PIM3: variants seen among roughly 807,000 people sequenced by gnomAD.
The protein encoded by PIM3 is Pim-3 proto-oncogene, serine/threonine kinase.
A neutral mutation model predicts 27.5 loss-of-function variants in PIM3; 13 were observed. The observed-to-expected ratio is 0.47, with a 90% CI of 0.31 to 0.75. The LOEUF (loss-of-function observed/expected upper bound fraction) is 0.75. PIM3 is among the 30% of genes least tolerant of loss of function. The pLI, the probability that PIM3 is intolerant of heterozygous loss-of-function variation, is 0.05. For missense variants in PIM3, 482 were observed against 476.9 expected, an observed-to-expected ratio of 1.01 and a Z score of -0.10; for synonymous variants, 341 against 221.1, an observed-to-expected ratio of 1.54 and a Z score of -4.81.
In PIM3 at chr22:49,963,300, G is replaced by T; in HGVS notation, c.*173G>T. 1.4e-6 allele frequency: 1 copy of T among 712,764 alleles called. No homozygotes were observed. The highest frequency in any genetic ancestry group is 2.2e-6 in the Non-Finnish European group (1 of 453,804). The allele number at this position is 712,764 out of a possible 1,614,324, so 44.2% of individuals were successfully genotyped here. A position where few individuals can be genotyped will look rare whatever the true frequency, so the allele number is the denominator to read the frequency against. On this transcript the variant is annotated 3_prime_UTR_variant, in exon 6 of 6. Transcript: ENST00000360612. ...TTGAACGCTGGTCCCGCGGGACTTGGTTTTCTCAAGCTCTGTCTGTCCAAA... is the reference window on the plus strand; with the variant it reads ...TTGAACGCTGGTCCCGCGGGACTTGTTTTTCTCAAGCTCTGTCTGTCCAAA...
Position 49,961,163 on chromosome 22 carries a change from G to A in PIM3, c.124G>A (p.Val42Met), listed in dbSNP as rs1273808064. Residue 42 changes from valine (V) to methionine (M), a missense_variant, in exon 2 of 6, where the codon GTG (valine) becomes ATG (methionine). By Grantham distance (21) the Val-to-Met change is conservative. Coordinates refer to ENST00000360612, the MANE Select transcript of PIM3 (RefSeq NM_001001852.4). ...GGAGAGCTTCGAGAAGGCGTACCAG[G>A]TGGGCGCCGTGCTGGGTAGCGGCGG... ...DKESFEKAYQ[V>M]GAVLGSGGFG... The A allele has an allele frequency of 6.5e-7, 1 of 1,531,924 alleles. No homozygotes were observed. The allele number at this position is 1,531,924 out of a possible 1,614,324, so 94.9% of individuals were successfully genotyped here. A position where few individuals can be genotyped will look rare whatever the true frequency, so the allele number is the denominator to read the frequency against.
Position 49,961,330 on chromosome 22 carries a change from C to T in PIM3, c.208C>T (p.His70Tyr), listed in dbSNP as rs1601869890. 1.9e-6 allele frequency: 3 copies of T among 1,543,152 alleles called. No individual in the cohort carries two copies. The highest frequency in any genetic ancestry group is 2.7e-5 in the East Asian group (1 of 37,136). ...IADGLPVAVK[H>Y]VVKERVTEWG... ...CGCGTCTCCGCAGGTGGCTGTGAAG[C>T]ACGTGGTGAAGGAGCGGGTGACCGA... Residue 70 changes from histidine to tyrosine, a missense_variant, in exon 3 of 6, where the codon CAC becomes TAC. By Grantham distance (83) the His-to-Tyr change is moderately conservative. Transcript: ENST00000360612.
rs138365598 is a variant in PIM3, at chr22:49,963,083, C to G, written c.937C>G (p.Pro313Ala). Residue 313 changes from proline (P) to alanine (A), a missense_variant, in exon 6 of 6, where the codon CCT becomes GCT. By Grantham distance (27) the Pro-to-Ala change is conservative (BLOSUM62 -1). Transcript: ENST00000360612. ...TGACCTGCGGCTGTGCACCCTCGAC[C>G]CTGATGACGTGGCCAGCACCACGTC... ...SCDLRLCTLD[P>A]DDVASTTSSS... The G allele has an allele frequency of 6.2e-7, 1 of 1,611,124 alleles. No homozygotes were observed. Among genetic ancestry groups the G allele is most frequent in the South Asian group, 1.1e-5 (1 of 90,842 alleles).
At chr22:49,962,667 G>A (rs2060914884) in intron 4 of PIM3, 22 bp from the exon 5 acceptor site, 1 of 1,599,766 alleles carries the variant, frequency 6.3e-7, no homozygotes. Context: ...TGGTGGGCGT[G>A]CTAAGCCCTG....
chr22:49,963,087 A>T lies in PIM3; in HGVS notation c.941A>T (p.Asp314Val). The change falls in exon 6 of 6, where the codon GAT (aspartate) becomes GTT (valine). Residue 314 changes from aspartate to valine, a missense_variant. Asp to Val is a radical substitution (Grantham distance 152). Transcript: ENST00000360612. The part of the protein sequence containing the change: ...CDLRLCTLDP[D>V]DVASTTSSSE... ...CTGCGGCTGTGCACCCTCGACCCTGATGACGTGGCCAGCACCACGTCCAGC... is the reference window on the plus strand; with the variant it reads ...CTGCGGCTGTGCACCCTCGACCCTGTTGACGTGGCCAGCACCACGTCCAGC... The T allele has an allele frequency of 6.2e-7, 1 of 1,610,976 alleles. No individual in the cohort carries two copies. The highest frequency in any genetic ancestry group is 8.5e-7 in the Non-Finnish European group (1 of 1,179,276).
intron 4 of PIM3, among the ~76,000 whole-genome samples, chr22:49,962,408 C>A (rs913296988): frequency 3.3e-5 from 5 of 150,244 alleles, no homozygotes; most frequent in African/African-American, 1.2e-4. Flanking sequence ...CGCTGTCCCC[C>A]CCCCACCCAG....
rs1789302972 is a variant in PIM3, at chr22:49,960,788, C to T, written c.-160C>T. ...GGCCGGGGCGGGTGAGGCGCTCCGC[C>T]TGCTGCGCGTCTACGCGGTCCCCGC... On this transcript the variant is annotated 5_prime_UTR_variant, in exon 1 of 6. Transcript: ENST00000360612. The T allele has an allele frequency of 3.5e-6, 1 of 282,540 alleles. No homozygotes were observed. Among genetic ancestry groups the T allele is most frequent in the Non-Finnish European group, 5.5e-6 (1 of 181,586 alleles). 17.5% of individuals were successfully genotyped at this position (282,540 alleles called of 1,614,324 possible). A position where few individuals can be genotyped will look rare whatever the true frequency, so the allele number is the denominator to read the frequency against.
chr22:49,961,558 G>A lies in PIM3; in HGVS notation c.363G>A (p.Leu121=). Residue 121 remains leucine, a synonymous_variant, in exon 4 of 6, where the codon CTG becomes CTA. Coordinates refer to ENST00000360612, the MANE Select transcript of PIM3 (RefSeq NM_001001852.4). ...DWFERPDGFL[L]VLERPEPAQD... ...TCGAGCGGCCCGACGGCTTCCTGCT[G>A]GTGCTGGAGCGGCCCGAGCCGGCGC... 2.6e-6 allele frequency: 4 copies of A among 1,545,804 alleles called. No individual in the cohort carries two copies. The highest frequency in any genetic ancestry group is 3.5e-6 in the Non-Finnish European group (4 of 1,146,086).
At position 49,961,825 on chromosome 22, in the gene PIM3, C is replaced by T. The variant is rs1360763223; in HGVS notation, c.616+14C>T. On this transcript the variant is annotated intron_variant, in intron 4 of 5. Coordinates refer to ENST00000360612, the MANE Select transcript of PIM3 (RefSeq NM_001001852.4). Reference sequence around the variant, plus strand: ...CCGACTTCGACGGTGAGCGCGGGCGCGGGGCAGGGAACGTTCCGGGGGCCT... The same window carrying T: ...CCGACTTCGACGGTGAGCGCGGGCGTGGGGCAGGGAACGTTCCGGGGGCCT... 9.3e-6 allele frequency: 15 copies of T among 1,610,796 alleles called. No individual in the cohort carries two copies. Among genetic ancestry groups the T allele is most frequent in the Non-Finnish European group, 1.2e-5 (14 of 1,179,126 alleles).
rs1479117897 is a variant in PIM3, at chr22:49,961,147, C to G, written c.108C>G (p.Phe36Leu). ...LQPAKADKES[F>L]EKAYQVGAVL... is the part of the protein sequence containing the mutation. ...CAGCCAAGGCGGACAAGGAGAGCTT[C>G]GAGAAGGCGTACCAGGTGGGCGCCG... The change falls in exon 2 of 6, where the codon TTC (phenylalanine) becomes TTG (leucine). Residue 36 changes from phenylalanine to leucine, a missense_variant. By Grantham distance (22) the Phe-to-Leu change is conservative. Coordinates refer to ENST00000360612, the MANE Select transcript of PIM3 (RefSeq NM_001001852.4). 1 of 1,520,682 alleles carries G rather than the reference C, an allele frequency of 6.6e-7. No homozygotes were observed. The highest frequency in any genetic ancestry group is 8.8e-7 in the Non-Finnish European group (1 of 1,137,202). The allele number at this position is 1,520,682 out of a possible 1,614,324, so 94.2% of individuals were successfully genotyped here. A position where few individuals can be genotyped will look rare whatever the true frequency, so the allele number is the denominator to read the frequency against.
chr22:49,961,039 GC>G lies in PIM3; in HGVS notation c.85+8del. 7.4e-7 allele frequency: 1 copy of G among 1,344,990 alleles called. No homozygotes were observed. Among genetic ancestry groups the G allele is most frequent in the Non-Finnish European group, 9.6e-7 (1 of 1,038,036 alleles). 83.3% of individuals were successfully genotyped at this position (1,344,990 alleles called of 1,614,324 possible). ...GTGAAGATCCTGCAGCCAGGTACGCGCGGGGCCGGCGGGGCCGGGGCCGGGG... is the reference window on the plus strand; with the variant it reads ...GTGAAGATCCTGCAGCCAGGTACGCGGGGGCCGGCGGGGCCGGGGCCGGGG... On this transcript the variant is annotated splice_region_variant and intron_variant, in intron 1 of 5. Coordinates refer to ENST00000360612, the MANE Select transcript of PIM3 (RefSeq NM_001001852.4).
chr22:49,962,993 T>G lies in PIM3; in HGVS notation c.847T>G (p.Ser283Ala). The stretch of plus-strand genomic sequence containing the variant: ...GTCCCTGCGGCCCTCAGAGCGGCCG[T>G]CGCTGGATCAGATTGCGGCCCATCC... ...CLSLRPSERP[S>A]LDQIAAHPWM... The change falls in exon 6 of 6, where the codon TCG (serine) becomes GCG (alanine). Residue 283 changes from serine to alanine, a missense_variant. Transcript: ENST00000360612. The G allele has an allele frequency of 6.2e-7, 1 of 1,611,254 alleles. No homozygotes were observed. The highest frequency in any genetic ancestry group is 8.5e-7 in the Non-Finnish European group (1 of 1,179,782).
At position 49,961,789 on chromosome 22, in the gene PIM3, C is replaced by T. The variant is rs1000371618; in HGVS notation, c.594C>T (p.Asp198=). The T allele has an allele frequency of 5.6e-6, 9 of 1,611,388 alleles. No individual in the cohort carries two copies. The highest frequency in any genetic ancestry group is 1.7e-4 in the Middle Eastern group (1 of 6,030). The change falls in exon 4 of 6, where the codon GAC becomes GAT. Residue 198 remains aspartate (D), a synonymous_variant. Transcript: ENST00000360612. ...TCGGTTCGGGTGCGCTGCTCAAGGA[C>T]ACGGTCTACACCGACTTCGACGGTG... is the stretch of plus-strand genomic sequence containing the variant. The part of the protein sequence containing the change: ...IDFGSGALLK[D]TVYTDFDGTR...
At position 49,962,674 on chromosome 22, in the gene PIM3, C is replaced by G; in HGVS notation, c.617-15C>G. On this transcript the variant is annotated splice_polypyrimidine_tract_variant and intron_variant, in intron 4 of 5. Transcript: ENST00000360612. ...TGCCTCTGTGGTGGGCGTGCTAAGC[C>G]CTGTGTCCCCTTAGGCACCCGAGTG... The G allele has an allele frequency of 6.2e-7, 1 of 1,604,596 alleles. No individual in the cohort carries two copies. The highest frequency in any genetic ancestry group is 1.1e-5 in the South Asian group (1 of 90,056).
rs762003200 is a variant in PIM3 at position 49,961,170 on chromosome 22, C to A, written c.131C>A (p.Ala44Asp). The A allele has an allele frequency of 6.5e-7, 1 of 1,535,078 alleles. No individual in the cohort carries two copies. The highest frequency in any genetic ancestry group is 8.7e-7 in the Non-Finnish European group (1 of 1,144,682). ...TTCGAGAAGGCGTACCAGGTGGGCG[C>A]CGTGCTGGGTAGCGGCGGCTTCGGC... ...ESFEKAYQVG[A>D]VLGSGGFGTV... Residue 44 changes from alanine (A) to aspartate (D), a missense_variant, in exon 2 of 6, where the codon GCC becomes GAC. Physicochemically the swap from Ala to Asp is moderately radical, Grantham distance 126. Coordinates refer to ENST00000360612, the MANE Select transcript of PIM3 (RefSeq NM_001001852.4).
At position 49,962,870 on chromosome 22, in the gene PIM3, G is replaced by T; in HGVS notation, c.793+5G>T. 6.2e-7 allele frequency: 1 copy of T among 1,606,588 alleles called. No homozygotes were observed. Among genetic ancestry groups the T allele is most frequent in the Non-Finnish European group, 8.5e-7 (1 of 1,178,364 alleles). ...TCCGGAGGAGGGTCTCTCCAGGTGC[G>T]TGGTGGCTCGAGGCGGGGGTGGGGG... On this transcript the variant is annotated splice_donor_5th_base_variant and intron_variant, in intron 5 of 5. Transcript: ENST00000360612.
Position 49,961,506 on chromosome 22 carries a change from G to A in PIM3, c.311G>A (p.Arg104His). The change falls in exon 4 of 6, where the codon CGC becomes CAC. Residue 104 changes from arginine to histidine, a missense_variant. By Grantham distance (29) the Arg-to-His change is conservative (BLOSUM62 0). Transcript: ENST00000360612. ...AAGGTGGGCGCGGCGGGCGGCGCGC[G>A]CGGCGTCATCCGCCTGCTGGACTGG... ...LRKVGAAGGA[R>H]GVIRLLDWFE... The A allele has an allele frequency of 6.7e-7, 1 of 1,500,032 alleles. No individual in the cohort carries two copies. 92.9% of individuals were successfully genotyped at this position (1,500,032 alleles called of 1,614,324 possible). A position where few individuals can be genotyped will look rare whatever the true frequency, so the allele number is the denominator to read the frequency against.
intron 4 of PIM3, among the ~76,000 whole-genome samples, chr22:49,962,415 C>T (rs1327661549): frequency 6.6e-6 from 1 of 150,838 alleles, no homozygotes; most frequent in African/African-American, 2.4e-5. Context: ...CCCCCCCCAC[C>T]CAGGTAGCCT....
In PIM3 at chr22:49,961,172, G is replaced by A. The variant is rs758679756; in HGVS notation, c.133G>A (p.Val45Met). 2 of 1,537,888 alleles carry A rather than the reference G, an allele frequency of 1.3e-6. No homozygotes were observed. Among genetic ancestry groups the A allele is most frequent in the Non-Finnish European group, 1.7e-6 (2 of 1,146,142 alleles). ...SFEKAYQVGA[V>M]LGSGGFGTVY... Reference sequence around the variant, plus strand: ...CGAGAAGGCGTACCAGGTGGGCGCCGTGCTGGGTAGCGGCGGCTTCGGCAC... The same window carrying A: ...CGAGAAGGCGTACCAGGTGGGCGCCATGCTGGGTAGCGGCGGCTTCGGCAC... The change falls in exon 2 of 6, where the codon GTG (valine) becomes ATG (methionine). Residue 45 changes from valine (V) to methionine (M), a missense_variant. Physicochemically the swap from Val to Met is conservative, Grantham distance 21 (BLOSUM62 1). Coordinates refer to ENST00000360612, the MANE Select transcript of PIM3 (RefSeq NM_001001852.4).
Sources: gnomAD v4.1 joint callset for allele counts (sites outside exome capture counted in the v4.1 genomes callset) on GRCh38, gnomAD v4.1.1 for gene constraint, MANE v1.5 for transcripts, NCBI Gene and HGNC (gene_info 2026-07-23, HGNC 2026-07-21) for gene names.